Variants in CNTNAP2 observed in about 807,000 individuals in gnomAD.
CNTNAP2 encodes the protein contactin-associated protein-like 2.
A neutral mutation model predicts 155.2 loss-of-function variants in CNTNAP2; 98 were observed. The ratio of observed to expected loss-of-function variants is 0.63; its 90% CI spans 0.54 to 0.75. The LOEUF is 0.75. Ranked by LOEUF, CNTNAP2 falls within the 30% of genes least tolerant of loss-of-function variation. The probability of loss-of-function intolerance (pLI) is 0.00; values close to 1 mark genes in which losing one functional copy is unlikely to be tolerated. For missense variants in CNTNAP2, 1,727 were observed against 1,688.1 expected (o/e 1.02, Z -0.40); for synonymous variants, 651 against 631.2 (o/e 1.03, Z -0.47).
In CNTNAP2 at chr7:146,128,626, A is replaced by G. The variant is rs1797671820; in HGVS notation, c.97+11653A>G. On this transcript the variant is annotated intron_variant, in intron 1 of 23. Coordinates refer to ENST00000361727, the MANE Select transcript of CNTNAP2 (RefSeq NM_014141.6). ...CCTTAAAACACTGTGATTTATATTTACTTATGTCCTCCAAATTACCCAAAT... is the reference window on the plus strand; with the variant it reads ...CCTTAAAACACTGTGATTTATATTTGCTTATGTCCTCCAAATTACCCAAAT... Among the ~76,000 whole-genome samples the G allele has an allele frequency of 2.0e-5, 3 of 152,188 alleles. 1 individual carries two copies. The South Asian group carries it at 6.2e-4, about 31-fold the overall frequency.
chr7:147,896,165 C>A (rs527862310), intron 13 of CNTNAP2, among the ~76,000 whole-genome samples: 1 of 152,296 alleles, frequency 6.6e-6, no homozygotes, highest in South Asian at 2.1e-4. Flanking sequence ...CTCCTTGCAC[C>A]TGTACTCCTT....
intron 9 of CNTNAP2, among the ~76,000 whole-genome samples, chr7:147,356,386 CCT>C (rs1796062237): frequency 6.6e-6 from 1 of 152,018 alleles, no homozygotes; most frequent in Admixed American, 6.6e-5. Flanking sequence ...ACAGGGATGG[CCT>C]CTCTCACCAC....
chr7:147,881,520 G>T (rs1181615882), intron 13 of CNTNAP2, among the ~76,000 whole-genome samples: 1 of 152,190 alleles, frequency 6.6e-6, no homozygotes, highest in Non-Finnish European at 1.5e-5. Flanking sequence ...GTAGTCGTCG[G>T]TCTAGAAAGA....
At chr7:146,633,843 A>AAAAAAAAC (rs1799552009) in intron 1 of CNTNAP2, among the ~76,000 whole-genome samples, 1 of 150,438 alleles carries the variant, frequency 6.6e-6, no homozygotes, top group East Asian at 1.9e-4. Flanking sequence ...AAAAAAAAAA[A>AAAAAAAAC]AAAAAAAAAA....
intron 3 of CNTNAP2, among the ~76,000 whole-genome samples, chr7:146,999,862 TA>T (rs1037871290): frequency 1.3e-5 from 2 of 152,100 alleles, no homozygotes; most frequent in African/African-American, 4.8e-5. Context: ...TAATCTTTTT[TA>T]AATTAAATCA....
At chr7:147,526,467 G>A (rs948176024) in intron 11 of CNTNAP2, among the ~76,000 whole-genome samples, 6 of 152,082 alleles carry the variant, frequency 3.9e-5, no homozygotes, top group South Asian at 2.1e-4. Flanking sequence ...AGTTTTACTC[G>A]TGAGGATTAA....
At chr7:147,480,553 C>A (rs953056141) in intron 10 of CNTNAP2, among the ~76,000 whole-genome samples, 2 of 152,258 alleles carry the variant, frequency 1.3e-5, no homozygotes, top group African/African-American at 4.8e-5. Context: ...CAGTCAGGTG[C>A]AGAAATGATT....
chr7:147,797,511 C>A lies in CNTNAP2; in HGVS notation c.2099-106054C>A, dbSNP rs558245932. ...ATAACAACCATCCTCTGCCAGCATC[C>A]CCCCAATATGTTTCATAAAATATTA... On this transcript the variant is annotated intron_variant, in intron 13 of 23. Transcript: ENST00000361727. 3.9e-5 allele frequency among the ~76,000 whole-genome samples: 6 copies of A among 152,114 alleles called. 1 individual carries two copies. The highest frequency in any genetic ancestry group is 1.9e-4 in the East Asian group (1 of 5,170).
At chr7:147,414,993 T>C (rs114938086) in intron 10 of CNTNAP2, among the ~76,000 whole-genome samples, 2,386 of 144,290 alleles carry the variant, frequency 0.017, 66 homozygotes, top group African/African-American at 0.057. Flanking sequence ...GGATTCTCTA[T>C]CTGAGAACTG....
At chr7:146,337,133 AC>A (rs1801290229) in intron 1 of CNTNAP2, among the ~76,000 whole-genome samples, 1 of 151,994 alleles carries the variant, frequency 6.6e-6, no homozygotes, top group African/African-American at 2.4e-5. Context: ...AGTACCCAGG[AC>A]CCCCCTGTCT....
chr7:148,250,888 T>A (rs1317815553), intron 20 of CNTNAP2, among the ~76,000 whole-genome samples: 1 of 152,198 alleles, frequency 6.6e-6, no homozygotes, highest in African/African-American at 2.4e-5. Context: ...CACTCTGTCA[T>A]GCAGACTGGA....
rs144525700 is a variant in CNTNAP2, at chr7:146,864,674, T to C, written c.402+24770T>C. Among the ~76,000 whole-genome samples the C allele has an allele frequency of 5.0e-3, 758 of 152,156 alleles. 7 individuals are homozygous for C. The highest frequency in any genetic ancestry group is 0.017 in the African/African-American group (696 of 41,526). On this transcript the variant is annotated intron_variant, in intron 3 of 23. Coordinates refer to ENST00000361727, the MANE Select transcript of CNTNAP2 (RefSeq NM_014141.6). The stretch of plus-strand genomic sequence containing the variant: ...TAATAATTTATTTAGGAAATCCTAA[T>C]CAATCTTAAAAACAAAACTACTGAA...
intron 1 of CNTNAP2, among the ~76,000 whole-genome samples, chr7:146,149,880 A>T (rs1013947554): frequency 3.9e-5 from 5 of 127,320 alleles, no homozygotes; most frequent in Non-Finnish European, 9.0e-5. Context: ...AGCCACAAAG[A>T]AAAAAAAAAA....
chr7:148,361,061 A>G (rs1798610423), intron 21 of CNTNAP2, among the ~76,000 whole-genome samples: 1 of 151,770 alleles, frequency 6.6e-6, no homozygotes, highest in Non-Finnish European at 1.5e-5. Context: ...ACCCACCTCA[A>G]CCTCTCAAAA....
At chr7:148,141,929 G>A (rs74734216) in intron 16 of CNTNAP2, among the ~76,000 whole-genome samples, 2,690 of 152,246 alleles carry the variant, frequency 0.018, 87 homozygotes, top group African/African-American at 0.061. Flanking sequence ...TGGAATTAGA[G>A]GAAGACTAAG....
chr7:147,343,082 T>C (rs1410214076), intron 9 of CNTNAP2, among the ~76,000 whole-genome samples: 1 of 152,154 alleles, frequency 6.6e-6, no homozygotes, highest in Non-Finnish European at 1.5e-5. Flanking sequence ...TACATGTTTG[T>C]TGAATTGCAC....
At chr7:148,166,803 G>A (rs1805671984) in intron 17 of CNTNAP2, among the ~76,000 whole-genome samples, 1 of 152,166 alleles carries the variant, frequency 6.6e-6, no homozygotes, top group African/African-American at 2.4e-5. Flanking sequence ...AGGTTAAGTA[G>A]CGTTTTTGCT....
At chr7:146,827,427 A>G (rs1465411168) in intron 2 of CNTNAP2, among the ~76,000 whole-genome samples, 2 of 151,836 alleles carry the variant, frequency 1.3e-5, no homozygotes, top group African/African-American at 4.8e-5. Context: ...AGCATTTTGT[A>G]GTCTATATAC....
At chr7:147,859,951 A>G (rs929910709) in intron 13 of CNTNAP2, among the ~76,000 whole-genome samples, 1 of 152,188 alleles carries the variant, frequency 6.6e-6, no homozygotes, top group African/African-American at 2.4e-5. Context: ...CTGGCAATAA[A>G]AAAGGTGGCT....
Sources: gnomAD v4.1 joint callset for allele counts (sites outside exome capture counted in the v4.1 genomes callset) on GRCh38, gnomAD v4.1.1 for gene constraint, MANE v1.5 for transcripts, NCBI Gene and HGNC (gene_info 2026-07-23, HGNC 2026-07-21) for gene names.